ARHGAP40: variants seen among roughly 807,000 people sequenced by gnomAD.
ARHGAP40 encodes the protein rho GTPase-activating protein 40.
ARHGAP40 carries 43 observed loss-of-function variants against 73.5 expected under a neutral mutation model. The observed-to-expected ratio is 0.58, with a 90% CI of 0.46 to 0.75. The LOEUF (loss-of-function observed/expected upper bound fraction) is 0.75, where lower values mean the gene tolerates loss of function less well. Ranked by LOEUF, ARHGAP40 falls within the 30% of genes least tolerant of loss-of-function variation. The pLI is 0.00. For missense variants in ARHGAP40, 734 were observed against 861.8 expected, an observed-to-expected ratio of 0.85 and a Z score of 1.86; for synonymous variants, 300 against 352.8, an observed-to-expected ratio of 0.85 and a Z score of 1.68.
At chr20:38,616,286 G>A (rs931450818) in intron 1 of ARHGAP40, among the ~76,000 whole-genome samples, 3 of 152,224 alleles carry the variant, frequency 2.0e-5, no homozygotes, top group African/African-American at 7.2e-5. Context: ...TGCTCTTCCA[G>A]CCTTCCCCAC....
At chr20:38,626,852 G>T (rs1452808681) in intron 2 of ARHGAP40, 143 bp from the exon 3 acceptor site, 1 of 518,590 alleles carries the variant, frequency 1.9e-6, no homozygotes, top group Non-Finnish European at 3.1e-6. Flanking sequence ...GGAGAGTCTG[G>T]TTGGTGTTAA....
At chr20:38,638,992 G>A (rs2088995697) in intron 8 of ARHGAP40, among the ~76,000 whole-genome samples, 154 bp downstream of exon 8, 1 of 152,178 alleles carries the variant, frequency 6.6e-6, no homozygotes. Context: ...GTGGCATGAT[G>A]AGCATGGTGG....
chr20:38,644,389 T>C (rs534879692), intron 11 of ARHGAP40, among the ~76,000 whole-genome samples: 80 of 152,162 alleles, frequency 5.3e-4, no homozygotes, highest in African/African-American at 1.8e-3. Flanking sequence ...GGTGTCAGCA[T>C]GCATGGTGCC....
exon 15 of ARHGAP40, chr20:38,650,353 T>C (rs949392901): frequency 6.4e-6 from 3 of 471,206 alleles, no homozygotes; most frequent in Non-Finnish European, 1.3e-5. Context: ...CAAAATTGTT[T>C]CGAAAGTGGC....
chr20:38,639,258 A>C (rs971423389), exon 9 of ARHGAP40: 1 of 1,305,354 alleles, frequency 7.7e-7, no homozygotes, highest in African/African-American at 1.5e-5. Context: ...AGAGACTTCT[A>C]TGCTGGCCTT....
At chr20:38,637,499 C>T (rs954797304) in intron 6 of ARHGAP40, among the ~76,000 whole-genome samples, 5 of 152,104 alleles carry the variant, frequency 3.3e-5, no homozygotes, top group African/African-American at 9.7e-5. Context: ...AGACATATCT[C>T]CTCAGCAGTA....
chr20:38,622,577 G>A (rs1471233028), intron 1 of ARHGAP40, among the ~76,000 whole-genome samples: 1 of 152,302 alleles, frequency 6.6e-6, no homozygotes, highest in East Asian at 1.9e-4. Flanking sequence ...AAGAAGAGGG[G>A]GATTAAAGGG....
chr20:38,607,230 G>T (rs2088775964), intron 1 of ARHGAP40, among the ~76,000 whole-genome samples: 1 of 152,156 alleles, frequency 6.6e-6, no homozygotes, highest in Admixed American at 6.5e-5. Context: ...TTGCATTTGA[G>T]TCCTAAATCC....
At chr20:38,650,527 G>C (rs1317897720) in exon 15 of ARHGAP40, 2 of 467,236 alleles carry the variant, frequency 4.3e-6, no homozygotes, top group Non-Finnish European at 4.4e-6. Context: ...GAAATGGACA[G>C]AGGAAGACTT....
At chr20:38,621,314 T>A (rs2088872140) in intron 1 of ARHGAP40, among the ~76,000 whole-genome samples, 1 of 152,238 alleles carries the variant, frequency 6.6e-6, no homozygotes, top group African/African-American at 2.4e-5. Flanking sequence ...TCTCTTCTAC[T>A]GTACAAAGGA....
intron 6 of ARHGAP40, among the ~76,000 whole-genome samples, chr20:38,637,368 C>G (rs1299120357): frequency 6.6e-6 from 1 of 152,146 alleles, no homozygotes; most frequent in Non-Finnish European, 1.5e-5. Flanking sequence ...AGGCTAGTCT[C>G]GACCTCCTGA....
chr20:38,646,683 G>A lies in ARHGAP40; in HGVS notation c.1711-274G>A, dbSNP rs182965315. ...TCTTTATACAAACCTACATGTCTGT[G>A]TTTGTGGGTGCGTTGCATGTACTCC... On this transcript the variant is annotated intron_variant, in intron 12 of 14. Transcript: ENST00000373345. The surrounding 1 kb of genome is among the most constrained non-coding windows in gnomAD (Gnocchi z 4.5). Among the ~76,000 whole-genome samples the A allele has an allele frequency of 4.1e-3, 627 of 152,306 alleles. 7 individuals are homozygous for A. Among genetic ancestry groups the A allele is most frequent in the African/African-American group, 0.014 (598 of 41,556 alleles).
intron 3 of ARHGAP40, among the ~76,000 whole-genome samples, chr20:38,627,651 TTG>T (rs1450952009): frequency 1.8e-3 from 258 of 140,546 alleles, no homozygotes; most frequent in African/African-American, 6.2e-3. Flanking sequence ...GTGGGGTGTG[TTG>T]GTGTGTGTGG....
At chr20:38,635,684 G>A (rs939442358) in intron 6 of ARHGAP40, among the ~76,000 whole-genome samples, 1 of 151,886 alleles carries the variant, frequency 6.6e-6, no homozygotes, top group Non-Finnish European at 1.5e-5. Context: ...ATAGAACTAT[G>A]AGACCCTGTT....
chr20:38,604,518 C>G (rs904412929), intron 1 of ARHGAP40, among the ~76,000 whole-genome samples: 2 of 151,704 alleles, frequency 1.3e-5, no homozygotes, highest in African/African-American at 4.8e-5. Flanking sequence ...GCCTTAGCCT[C>G]TTGAGTAGCT....
At chr20:38,603,407 GTCTATCTATCTATCTATCTA>G (rs71330431) in intron 1 of ARHGAP40, among the ~76,000 whole-genome samples, 60 of 129,574 alleles carry the variant, frequency 4.6e-4, no homozygotes, top group East Asian at 3.6e-3. Flanking sequence ...TTGTTTATCT[GTCTATCTATCTATCTATCTA>G]TCTATCTATC....
At chr20:38,638,815 C>T in exon 8 of ARHGAP40, 1 of 1,305,406 alleles carries the variant, frequency 7.7e-7, no homozygotes, top group Non-Finnish European at 1.0e-6. Flanking sequence ...TCTCAGGGTG[C>T]CCGGATCCCA....
intron 1 of ARHGAP40, among the ~76,000 whole-genome samples, chr20:38,604,430 C>T (rs1321171361): frequency 2.0e-5 from 3 of 148,406 alleles, no homozygotes; most frequent in Middle Eastern, 3.6e-3. Context: ...GAGTCTCACT[C>T]CGTTGCCCAG....
chr20:38,645,215 A>G (rs777333343), intron 11 of ARHGAP40, among the ~76,000 whole-genome samples: 2 of 152,006 alleles, frequency 1.3e-5, no homozygotes, highest in Non-Finnish European at 2.9e-5. Flanking sequence ...TCCTAGTTCA[A>G]AAGTCAACTC....
Sources: gnomAD v4.1 joint callset for allele counts (sites outside exome capture counted in the v4.1 genomes callset) on GRCh38, gnomAD v4.1.1 for gene constraint, Gnocchi (gnomAD v3.1) non-coding constraint, MANE v1.5 for transcripts, NCBI Gene and HGNC (gene_info 2026-07-23, HGNC 2026-07-21) for gene names.